BAIAP3: variants seen among roughly 807,000 people sequenced by gnomAD.
The protein encoded by BAIAP3 is BAI1-associated protein 3.
A neutral mutation model predicts 149.7 loss-of-function variants in BAIAP3; 180 were observed. The observed-to-expected ratio is 1.20, with a 90% CI of 1.07 to 1.36. BAIAP3 has a LOEUF of 1.36. Among genes scored for constraint, BAIAP3 ranks in the 40% most tolerant of loss-of-function variants. The pLI is 0.00. For missense variants in BAIAP3, 1,767 were observed against 1,563.4 expected (o/e 1.13, Z -2.20); for synonymous variants, 845 against 670.7 (o/e 1.26, Z -4.02).
chr16:1,340,777 C>T (rs753471244), intron 5 of BAIAP3, 145 bp from the exon 6 acceptor site: 19 of 839,108 alleles, frequency 2.3e-5, no homozygotes, highest in Non-Finnish European at 3.2e-5. Flanking sequence ...AACCCTCTGC[C>T]GCTGCCTCCC....
chr16:1,348,286 C>A lies in BAIAP3; in HGVS notation c.3340C>A (p.Arg1114=). ...GCAGCCTGTCACCCTGCACCTGTGC[C>A]GGCCCAGAGCCCAGGGTGAGTGAGC... ...AGQPVTLHLC[R]PRAQVRSALR... The change falls in exon 33 of 34, where the codon CGG becomes AGG. Residue 1114 remains arginine, a synonymous_variant. Transcript: ENST00000426824. The A allele has an allele frequency of 3.1e-6, 5 of 1,599,042 alleles. No homozygotes were observed. Among genetic ancestry groups the A allele is most frequent in the Non-Finnish European group, 4.3e-6 (5 of 1,173,556 alleles).
chr16:1,342,995 C>T lies in BAIAP3; in HGVS notation c.1244C>T (p.Ser415Leu), dbSNP rs1321916827. 3 of 1,610,434 alleles carry T rather than the reference C, an allele frequency of 1.9e-6. No individual in the cohort carries two copies. Among genetic ancestry groups the T allele is most frequent in the South Asian group, 2.2e-5 (2 of 91,076 alleles). Residue 415 changes from serine (S) to leucine (L), a missense_variant, in exon 14 of 34, where the codon TCA becomes TTA. Ser to Leu is a moderately radical substitution (Grantham distance 145). Transcript: ENST00000426824. ...CTGCACGGAGCCCAGAGCAACCTGT[C>T]ACCCTTGCAGCTGGCCGTGCTGTGA... is the stretch of plus-strand genomic sequence containing the variant. Reference protein sequence around the residue: ...LCLHGAQSNLSPLQLAVLHWQ... With the variant: ...LCLHGAQSNLLPLQLAVLHWQ...
At chr16:1,341,249 G>T (rs755743825) in intron 7 of BAIAP3, 45 bp from the exon 8 acceptor site, 1 of 1,605,978 alleles carries the variant, frequency 6.2e-7, no homozygotes, top group Non-Finnish European at 8.5e-7. Context: ...GGCCATGGAG[G>T]GCCAGAGGGC....
intron 3 of BAIAP3, 29 bp downstream of exon 3, chr16:1,339,018 C>A (rs2033667147): frequency 1.9e-6 from 3 of 1,611,382 alleles, no homozygotes; most frequent in Non-Finnish European, 2.5e-6. Context: ...GGGCCCGATA[C>A]CACAGCCCAG....
chr16:1,334,812 C>CG lies in BAIAP3; in HGVS notation c.-11+1069dup, dbSNP rs1315939620. The CG allele has an allele frequency of 3.9e-5, 57 of 1,472,030 alleles. 1 individual carries two copies. The South Asian group carries it at 6.7e-4, about 17-fold the overall frequency. 91.2% of individuals were successfully genotyped at this position (1,472,030 alleles called of 1,614,324 possible). On this transcript the variant is annotated intron_variant, in intron 1 of 33. Transcript: ENST00000426824. ...CCCCCAGGGCCTGGTGAAGGGGAGT[C>CG]GGGGGGCTGAGGGAGGAAGAGCAGG...
At chr16:1,343,594 GGGCAGAGTCC>G in intron 15 of BAIAP3, 81 bp downstream of exon 15, 1 of 1,552,944 alleles carries the variant, frequency 6.4e-7, no homozygotes, top group Non-Finnish European at 8.7e-7. Context: ...GGTCGGCGAG[GGGCAGAGTCC>G]TGCCCGCGTG....
rs775137248 is a variant in BAIAP3 at position 1,338,998 on chromosome 16, G to T, written c.219+9G>T. The stretch of plus-strand genomic sequence containing the variant: ...GCTTGCCGTGCCTCGAGGTAAGGGT[G>T]CCACCCCCAGGGCCCGATACCACAG... On this transcript the variant is annotated intron_variant, in intron 3 of 33. Coordinates refer to ENST00000426824, the MANE Select transcript of BAIAP3 (RefSeq NM_001199097.2). The T allele has an allele frequency of 6.8e-6, 11 of 1,612,470 alleles. No individual in the cohort carries two copies. Among genetic ancestry groups the T allele is most frequent in the Admixed American group, 1.7e-5 (1 of 59,960 alleles).
chr16:1,343,710 C>G (rs899979720), intron 15 of BAIAP3, among the ~76,000 whole-genome samples, 197 bp downstream of exon 15: 1 of 152,206 alleles, frequency 6.6e-6, no homozygotes, highest in Non-Finnish European at 1.5e-5. Flanking sequence ...CCTCGGGGGG[C>G]GGCCAGGACT....
intron 1 of BAIAP3, among the ~76,000 whole-genome samples, chr16:1,334,342 C>A (rs2033317944): frequency 6.6e-6 from 1 of 152,078 alleles, no homozygotes; most frequent in Admixed American, 6.5e-5. Context: ...ACACTAGACC[C>A]GCCCCCAGAC....
chr16:1,338,415 T>C (rs13338616), intron 1 of BAIAP3, 125 bp from the exon 2 acceptor site: 798,827 of 937,238 alleles, frequency 0.85, 344,790 homozygotes, highest in East Asian at 1. Context: ...CCATCCAGGC[T>C]GTGGGTGAGC....
intron 7 of BAIAP3, 43 bp downstream of exon 7, chr16:1,341,238 C>T (rs757241660): frequency 2.3e-5 from 37 of 1,606,048 alleles, no homozygotes; most frequent in Admixed American, 3.4e-5. Flanking sequence ...CGAGGCCTGG[C>T]GGCCATGGAG....
rs770795319 is a variant in BAIAP3 at position 1,338,987 on chromosome 16, G to C, written c.217G>C (p.Glu73Gln). ...GEGRQGLPCL[E>Q]VPLRSGSPAP... ...AGGCAGACAGGGCTTGCCGTGCCTC[G>C]AGGTAAGGGTGCCACCCCCAGGGCC... The change falls in exon 3 of 34, where the codon GAG (glutamate) becomes CAG (glutamine). Residue 73 changes from glutamate to glutamine, a missense_variant and splice_region_variant. By Grantham distance (29) the Glu-to-Gln change is conservative (BLOSUM62 2). Transcript: ENST00000426824. 31 of 1,612,692 alleles carry C rather than the reference G, an allele frequency of 1.9e-5. 1 individual carries two copies. The South Asian group carries it at 2.5e-4, about 13-fold the overall frequency.
Position 1,339,150 on chromosome 16 carries a change from G to T in BAIAP3, c.220-14G>T. On this transcript the variant is annotated splice_polypyrimidine_tract_variant and intron_variant, in intron 3 of 33. Coordinates refer to ENST00000426824, the MANE Select transcript of BAIAP3 (RefSeq NM_001199097.2). Reference sequence around the variant, plus strand: ...CCCTGCCGTCAGAGCCCTCACCCTGGGCCCCACACACAGGTCCCCCTGCGC... The same window carrying T: ...CCCTGCCGTCAGAGCCCTCACCCTGTGCCCCACACACAGGTCCCCCTGCGC... 6.4e-7 allele frequency: 1 copy of T among 1,567,892 alleles called. No individual in the cohort carries two copies. The highest frequency in any genetic ancestry group is 1.4e-5 in the African/African-American group (1 of 73,926).
chr16:1,346,274 C>T lies in BAIAP3; in HGVS notation c.2406C>T (p.Leu802=). Residue 802 remains leucine, a synonymous_variant, in exon 25 of 34, where the codon CTC becomes CTT. Coordinates refer to ENST00000426824, the MANE Select transcript of BAIAP3 (RefSeq NM_001199097.2). ...GGGCCACGGGGCCCGAGGGGGTGCT[C>T]CCCCGCCCTCTGCTCAGCTGCACAC... ...PEGATGPEGV[L]PRPLLSCTQA... The T allele has an allele frequency of 6.2e-7, 1 of 1,608,960 alleles. No individual in the cohort carries two copies. The highest frequency in any genetic ancestry group is 8.5e-7 in the Non-Finnish European group (1 of 1,177,520).
At chr16:1,343,874 G>A in intron 15 of BAIAP3, 148 bp from the exon 16 acceptor site, 1 of 1,274,358 alleles carries the variant, frequency 7.8e-7, no homozygotes, top group Non-Finnish European at 1.1e-6. Flanking sequence ...TCTGGGACAG[G>A]CCGACTGGGC....
chr16:1,337,747 C>T (rs752711657), intron 1 of BAIAP3, among the ~76,000 whole-genome samples: 2 of 152,198 alleles, frequency 1.3e-5, no homozygotes, highest in South Asian at 2.1e-4. Flanking sequence ...GGGGAACTGA[C>T]GCTGGATGGA....
At chr16:1,343,862 CGTCTGGG>C in intron 15 of BAIAP3, among the ~76,000 whole-genome samples, 153 bp from the exon 16 acceptor site, 1 of 123,236 alleles carries the variant, frequency 8.1e-6, no homozygotes, top group African/African-American at 4.4e-5. Context: ...TGGGACAGGC[CGTCTGGG>C]ACAGGCCGAC....
At position 1,338,982 on chromosome 16, in the gene BAIAP3, G is replaced by C. The variant is rs34787656; in HGVS notation, c.212G>C (p.Cys71Ser). ...KKGEGRQGLP[C>S]LEVPLRSGSP... ...GGGGAAGGCAGACAGGGCTTGCCGT[G>C]CCTCGAGGTAAGGGTGCCACCCCCA... Residue 71 changes from cysteine (C) to serine (S), a missense_variant, in exon 3 of 34, where the codon TGC becomes TCC. Cys to Ser is a moderately radical substitution (Grantham distance 112). Coordinates refer to ENST00000426824, the MANE Select transcript of BAIAP3 (RefSeq NM_001199097.2). 4.3e-6 allele frequency: 7 copies of C among 1,612,698 alleles called. No individual in the cohort carries two copies. In the South Asian group the frequency reaches 4.4e-5, roughly 10 times the overall value.
intron 19 of BAIAP3, 38 bp from the exon 20 acceptor site, chr16:1,344,760 G>C (rs760873597): frequency 6.2e-7 from 1 of 1,613,430 alleles, no homozygotes; most frequent in Non-Finnish European, 8.5e-7. Context: ...GCCTGCAGGT[G>C]GGGCGCAGGT....
Sources: gnomAD v4.1 joint callset for allele counts (sites outside exome capture counted in the v4.1 genomes callset) on GRCh38, gnomAD v4.1.1 for gene constraint, MANE v1.5 for transcripts, NCBI Gene and HGNC (gene_info 2026-07-23, HGNC 2026-07-21) for gene names.